Variants in TRANK1 observed in about 807,000 individuals in gnomAD.
TRANK1 encodes tetratricopeptide repeat and ankyrin repeat containing 1.
A neutral mutation model predicts 266.0 loss-of-function variants in TRANK1; 198 were observed. The ratio of observed to expected loss-of-function variants is 0.74; its 90% CI spans 0.66 to 0.84. The LOEUF is 0.84. TRANK1 is among the 40% of genes least tolerant of loss of function. The pLI, the probability that TRANK1 is intolerant of heterozygous loss-of-function variation, is 0.00. For missense variants in TRANK1, 3,326 were observed against 3,634.6 expected, an observed-to-expected ratio of 0.92 and a Z score of 2.18; for synonymous variants, 1,396 against 1,384.1, an observed-to-expected ratio of 1.01 and a Z score of -0.19.
intron 2 of TRANK1, among the ~76,000 whole-genome samples, chr3:36,906,922 A>G (rs1041431041): frequency 5.3e-5 from 8 of 152,184 alleles, no homozygotes; most frequent in Non-Finnish European, 1.0e-4. Context: ...AACTAATACA[A>G]TAATTAAGAC....
intron 18 of TRANK1, among the ~76,000 whole-genome samples, chr3:36,839,464 A>G (rs1220143319): frequency 6.6e-6 from 1 of 152,210 alleles, no homozygotes; most frequent in Non-Finnish European, 1.5e-5. Flanking sequence ...GATAAGGTGG[A>G]CAGGATGATC....
In TRANK1 at chr3:36,842,664, C is replaced by T. The variant is rs1392868626; in HGVS notation, c.5238G>A (p.Trp1746Ter). The change falls in exon 18 of 24, where the codon TGG (tryptophan) becomes TGA (stop). Residue 1746 changes from tryptophan to a stop codon, truncating the protein, a stop_gained. Transcript: ENST00000645898. LOFTEE classifies it high-confidence loss of function. ...MFVKTSTPAE[W>*]IAQGDYYAKH... Reference sequence around the variant, plus strand: ...TGGCGTAGTAATCTCCCTGTGCAATCCACTCCGCAGGAGTTGAGGTCTTAA... The same window carrying T: ...TGGCGTAGTAATCTCCCTGTGCAATTCACTCCGCAGGAGTTGAGGTCTTAA... 6.2e-7 allele frequency: 1 copy of T among 1,613,972 alleles called. No homozygotes were observed. The highest frequency in any genetic ancestry group is 1.7e-5 in the Admixed American group (1 of 60,034).
chr3:36,911,099 A>G (rs1019936122), intron 1 of TRANK1, among the ~76,000 whole-genome samples: 2 of 152,218 alleles, frequency 1.3e-5, no homozygotes, highest in African/African-American at 4.8e-5. Flanking sequence ...GTAAAAGAAC[A>G]TTTAATGACA....
At chr3:36,842,582 G>A (rs1400360457) in intron 18 of TRANK1, 40 bp downstream of exon 18, 1 of 1,573,830 alleles carries the variant, frequency 6.4e-7, no homozygotes, top group South Asian at 1.1e-5. Flanking sequence ...GTCTGACGAG[G>A]GCACCAGTGA....
intron 1 of TRANK1, among the ~76,000 whole-genome samples, chr3:36,926,365 A>G (rs2080288410): frequency 6.6e-6 from 1 of 152,246 alleles, no homozygotes; most frequent in South Asian, 2.1e-4. Context: ...CTTGAGGATG[A>G]CATTACACTC....
intron 21 of TRANK1, 39 bp from the exon 22 acceptor site, chr3:36,833,958 C>A: frequency 6.5e-7 from 1 of 1,539,868 alleles, no homozygotes; most frequent in Non-Finnish European, 8.7e-7. Flanking sequence ...CTTGCCATCA[C>A]CCAATCAATA....
At chr3:36,903,388 A>G in intron 2 of TRANK1, 113 bp from the exon 3 acceptor site, 1 of 1,333,812 alleles carries the variant, frequency 7.5e-7, no homozygotes, top group Non-Finnish European at 1.0e-6. Context: ...TCAGTAGGAA[A>G]TGACTCATTC....
intron 1 of TRANK1, among the ~76,000 whole-genome samples, chr3:36,930,607 T>C (rs2080348734): frequency 6.6e-6 from 1 of 152,188 alleles, no homozygotes; most frequent in Non-Finnish European, 1.5e-5. Flanking sequence ...GTGAAAATGA[T>C]ACCACAGCAA....
At chr3:36,919,873 T>C (rs2080190897) in intron 1 of TRANK1, among the ~76,000 whole-genome samples, 1 of 152,258 alleles carries the variant, frequency 6.6e-6, no homozygotes, top group Admixed American at 6.5e-5. Flanking sequence ...TTATTGGCCA[T>C]ATGAGTGTCC....
intron 1 of TRANK1, among the ~76,000 whole-genome samples, chr3:36,916,087 T>G (rs755792539): frequency 6.1e-4 from 93 of 152,344 alleles, no homozygotes; most frequent in Non-Finnish European, 7.9e-4. Flanking sequence ...AATTTTATAC[T>G]ATACAATACA....
chr3:36,916,533 C>A (rs746036896), intron 1 of TRANK1, among the ~76,000 whole-genome samples: 2 of 152,194 alleles, frequency 1.3e-5, no homozygotes, highest in Non-Finnish European at 2.9e-5. Context: ...GCACTCCAGC[C>A]TGGGTGACAG....
At chr3:36,929,113 T>C in intron 1 of TRANK1, among the ~76,000 whole-genome samples, 1 of 151,728 alleles carries the variant, frequency 6.6e-6, no homozygotes, top group Non-Finnish European at 1.5e-5. Flanking sequence ...GAATCTTCTC[T>C]AACATTTTAA....
chr3:36,846,303 G>C lies in TRANK1; in HGVS notation c.5136C>G (p.Phe1712Leu). The change falls in exon 17 of 24, where the codon TTC becomes TTG. Residue 1712 changes from phenylalanine to leucine, a missense_variant. By Grantham distance (22) the Phe-to-Leu change is conservative. Coordinates refer to ENST00000645898, the MANE Select transcript of TRANK1 (RefSeq NM_001329998.2). ...DENREKRAPA[F>L]KYFIRRDFVQ... Reference sequence around the variant, plus strand: ...CAAAATCTCTTCTAATGAAATATTTGAATGCGGGAGCCCGTTTCTCTCGGT... The same window carrying C: ...CAAAATCTCTTCTAATGAAATATTTCAATGCGGGAGCCCGTTTCTCTCGGT... 1 of 1,612,548 alleles carries C rather than the reference G, an allele frequency of 6.2e-7. No homozygotes were observed. The highest frequency in any genetic ancestry group is 8.5e-7 in the Non-Finnish European group (1 of 1,179,308).
At chr3:36,862,001 G>A (rs556960049) in intron 10 of TRANK1, among the ~76,000 whole-genome samples, 11 of 152,094 alleles carry the variant, frequency 7.2e-5, no homozygotes, top group African/African-American at 2.7e-4. Flanking sequence ...CACTGCACCC[G>A]GCCAAGAGTA....
At chr3:36,921,912 T>C (rs1169963666) in intron 1 of TRANK1, among the ~76,000 whole-genome samples, 1 of 152,134 alleles carries the variant, frequency 6.6e-6, no homozygotes, top group Non-Finnish European at 1.5e-5. Flanking sequence ...AAGGCTGGGC[T>C]GGGAGGATTG....
intron 4 of TRANK1, among the ~76,000 whole-genome samples, chr3:36,897,283 C>CCA (rs1275771758): frequency 6.6e-6 from 1 of 152,078 alleles, no homozygotes; most frequent in Admixed American, 6.6e-5. Context: ...CCAGCCTGGC[C>CCA]CACAGAGCAA....
chr3:36,899,689 C>A (rs112918655), intron 3 of TRANK1, among the ~76,000 whole-genome samples: 3 of 152,326 alleles, frequency 2.0e-5, no homozygotes, highest in African/African-American at 7.2e-5. Context: ...TTCTAACCAA[C>A]ACTGGATACA....
chr3:36,938,974 C>T (rs1221409205), intron 1 of TRANK1, among the ~76,000 whole-genome samples: 1 of 149,856 alleles, frequency 6.7e-6, no homozygotes, highest in Non-Finnish European at 1.5e-5. Flanking sequence ...AAAAAAAATA[C>T]AAAAATACAA....
At chr3:36,930,974 T>C (rs187916857) in intron 1 of TRANK1, among the ~76,000 whole-genome samples, 1 of 151,878 alleles carries the variant, frequency 6.6e-6, no homozygotes, top group Non-Finnish European at 1.5e-5. Flanking sequence ...AGAAAAGCAC[T>C]AACAGAAAAT....
Sources: gnomAD v4.1 joint callset for allele counts (sites outside exome capture counted in the v4.1 genomes callset) on GRCh38, gnomAD v4.1.1 for gene constraint, MANE v1.5 for transcripts, NCBI Gene and HGNC (gene_info 2026-07-23, HGNC 2026-07-21) for gene names.